Variants in BRD10 observed in about 807,000 individuals in gnomAD.
BRD10 encodes the protein bromodomain containing 10.
chr9:5,924,608 C>A, the BRD10 span: 1 of 1,170,680 alleles, frequency 8.5e-7, no homozygotes, highest in Non-Finnish European at 1.2e-6. Context: ...CAAACAAAAA[C>A]TTCTCTTTGT....
chr9:5,883,146 C>G, the BRD10 span, among the ~76,000 whole-genome samples: 1 of 122,096 alleles, frequency 8.2e-6, no homozygotes, highest in African/African-American at 2.9e-5. Flanking sequence ...TACCCTAGAA[C>G]TTAAAGTATA....
chr9:5,956,530 A>G, the BRD10 span, among the ~76,000 whole-genome samples: 53 of 152,154 alleles, frequency 3.5e-4, no homozygotes, highest in Non-Finnish European at 6.2e-4. Context: ...ACAAGGGATA[A>G]TAGTATTACC....
the BRD10 span, among the ~76,000 whole-genome samples, chr9:5,957,827 A>G: frequency 6.6e-6 from 1 of 152,192 alleles, no homozygotes; most frequent in Non-Finnish European, 1.5e-5. Flanking sequence ...AGCATGAGAT[A>G]CTACAAAATC....
At chr9:5,997,344 G>A in the BRD10 span, among the ~76,000 whole-genome samples, 1 of 152,008 alleles carries the variant, frequency 6.6e-6, no homozygotes, top group Non-Finnish European at 1.5e-5. Flanking sequence ...TATTTCTTAT[G>A]CGAAGTGAAC....
the BRD10 span, chr9:6,007,855 A>T: frequency 3.7e-6 from 5 of 1,368,592 alleles, no homozygotes; most frequent in Non-Finnish European, 4.7e-6. Flanking sequence ...CGTGAGCGCG[A>T]GCCGCTTCCT....
the BRD10 span, among the ~76,000 whole-genome samples, chr9:5,991,724 T>TAAAAAAAAAA: frequency 8.5e-6 from 1 of 118,032 alleles, no homozygotes. Flanking sequence ...GACTCTGTCT[T>TAAAAAAAAAA]AAAAAAAAAA....
chr9:5,932,052 C>T, the BRD10 span, among the ~76,000 whole-genome samples: 1 of 152,010 alleles, frequency 6.6e-6, no homozygotes, highest in South Asian at 2.1e-4. Flanking sequence ...GTAGTGTTCT[C>T]AGAGTTGCAT....
At chr9:6,007,893 C>A in the BRD10 span, 4 of 1,368,620 alleles carry the variant, frequency 2.9e-6, no homozygotes, top group Non-Finnish European at 3.7e-6. Context: ...GCGTAGCCCC[C>A]GCCACATCGG....
At chr9:6,007,029 C>A in the BRD10 span, among the ~76,000 whole-genome samples, 32 of 152,230 alleles carry the variant, frequency 2.1e-4, no homozygotes, top group Non-Finnish European at 5.9e-5. Flanking sequence ...ACCCACCACA[C>A]CCCTCCGGTC....
At chr9:5,949,345 G>A in the BRD10 span, among the ~76,000 whole-genome samples, 4 of 152,024 alleles carry the variant, frequency 2.6e-5, no homozygotes, top group African/African-American at 7.3e-5. Context: ...GCGGCAGAGC[G>A]AGACTCCGTC....
At chr9:5,954,185 T>C in the BRD10 span, 1 of 709,162 alleles carries the variant, frequency 1.4e-6, no homozygotes, top group Non-Finnish European at 2.4e-6. Context: ...GAAAGTTAAA[T>C]TGTAACTAAC....
At chr9:5,970,971 G>C in the BRD10 span, among the ~76,000 whole-genome samples, 1 of 137,810 alleles carries the variant, frequency 7.3e-6, no homozygotes, top group East Asian at 2.4e-4. Flanking sequence ...AGAATCGCTT[G>C]AATCTGGGAG....
the BRD10 span, among the ~76,000 whole-genome samples, chr9:6,000,246 G>A: frequency 5.9e-5 from 9 of 151,938 alleles, no homozygotes; most frequent in African/African-American, 1.2e-4. Flanking sequence ...GGTGGAAGAC[G>A]ATATAACAAA....
the BRD10 span, among the ~76,000 whole-genome samples, chr9:5,995,091 G>C: frequency 2.6e-5 from 4 of 151,988 alleles, no homozygotes; most frequent in Admixed American, 1.3e-4. Context: ...AATAGAGACG[G>C]GGTTTCTCCA....
the BRD10 span, among the ~76,000 whole-genome samples, chr9:5,897,821 G>C: frequency 4.6e-5 from 7 of 152,158 alleles, no homozygotes; most frequent in Non-Finnish European, 5.9e-5. Context: ...CTCTACCTTT[G>C]CCTCTGCTCA....
chr9:5,944,957 T>C, the BRD10 span: 1 of 1,491,190 alleles, frequency 6.7e-7, no homozygotes, highest in Non-Finnish European at 9.1e-7. Context: ...TTAGTGCAAA[T>C]AAGCTAAAAT....
the BRD10 span, chr9:5,897,598 T>G: frequency 6.2e-7 from 1 of 1,614,156 alleles, no homozygotes; most frequent in Admixed American, 1.7e-5. Context: ...CTGGGAGTCT[T>G]ACTGCTCATC....
chr9:5,938,901 C>CTTTTGTAATTAGGGCTTA, the BRD10 span, among the ~76,000 whole-genome samples: 2 of 152,020 alleles, frequency 1.3e-5, no homozygotes, highest in African/African-American at 4.8e-5. Context: ...ACAACCAAAG[C>CTTTTGTAATTAGGGCTTA]CATGAAGTAA....
the BRD10 span, among the ~76,000 whole-genome samples, chr9:5,914,378 A>G: frequency 5.5e-3 from 788 of 143,852 alleles, 7 homozygotes; most frequent in African/African-American, 0.019. Flanking sequence ...AAGAATTACA[A>G]TTCCTAAGAT....
Sources: gnomAD v4.1 joint callset for allele counts (sites outside exome capture counted in the v4.1 genomes callset) on GRCh38, gnomAD v4.1.1 for gene constraint, MANE v1.5 for transcripts, NCBI Gene and HGNC (gene_info 2026-07-23, HGNC 2026-07-21) for gene names.